CIT: variants seen among roughly 807,000 people sequenced by gnomAD.
CIT encodes citron rho-interacting serine/threonine kinase.
In CIT, 79 loss-of-function variants were observed where a neutral mutation model predicts 272.7. That is an observed-to-expected ratio of 0.29 (90% CI 0.24 to 0.35). The LOEUF is 0.35. CIT is among the 10% of genes least tolerant of loss of function. The pLI, the probability that CIT is intolerant of heterozygous loss-of-function variation, is 1.00. For synonymous variants in CIT, 948 were observed against 995.6 expected (o/e 0.95, Z 0.90); for missense variants, 1,909 against 2,618.3 (o/e 0.73, Z 5.91).
intron 4 of CIT, among the ~76,000 whole-genome samples, chr12:119,853,834 C>A (rs1462322159): frequency 6.6e-6 from 1 of 151,710 alleles, no homozygotes; most frequent in African/African-American, 2.4e-5. Flanking sequence ...CCCGTCTGAC[C>A]CCTGAAGCTT....
chr12:119,700,008 AG>A, intron 44 of CIT: 1 of 435,018 alleles, frequency 2.3e-6, no homozygotes, highest in Non-Finnish European at 4.7e-6. Context: ...CAAAAAGATT[AG>A]TACAAGGATG....
intron 3 of CIT, among the ~76,000 whole-genome samples, chr12:119,861,013 C>T (rs972541333): frequency 6.6e-6 from 1 of 151,276 alleles, no homozygotes. Context: ...CCCAGCTACT[C>T]GGGAGGCTGA....
intron 10 of CIT, among the ~76,000 whole-genome samples, chr12:119,794,408 A>G (rs976642781): frequency 6.6e-6 from 1 of 152,252 alleles, no homozygotes; most frequent in Admixed American, 6.5e-5. Context: ...GTATGCTGGC[A>G]TGAAAAAGCT....
At chr12:119,853,943 T>C (rs2138275445) in intron 4 of CIT, among the ~76,000 whole-genome samples, 1 of 152,080 alleles carries the variant, frequency 6.6e-6, no homozygotes, top group Middle Eastern at 3.4e-3. Flanking sequence ...TCCCAACACT[T>C]TGGGAGGGGG....
chr12:119,820,893 A>G lies in CIT; in HGVS notation c.1111+1927T>C, dbSNP rs144143538. Reference sequence around the variant, plus strand: ...GCTGAGGTGGGAGGACTGCTTGAGCATGGGAGGTCGAGGCTGCAGTGAGCC... The same window carrying G: ...GCTGAGGTGGGAGGACTGCTTGAGCGTGGGAGGTCGAGGCTGCAGTGAGCC... On this transcript the variant is annotated intron_variant, in intron 9 of 47. Coordinates refer to ENST00000392521, the MANE Select transcript of CIT (RefSeq NM_001206999.2). 4.1e-4 allele frequency among the ~76,000 whole-genome samples: 62 copies of G among 152,098 alleles called. 1 individual carries two copies. The East Asian group carries it at 0.011, about 27-fold the overall frequency.
chr12:119,869,133 G>C lies in CIT; in HGVS notation c.165C>G (p.Leu55=). The stretch of plus-strand genomic sequence containing the variant: ...GACTGCATTCTTCAAAGAGAACAAA[G>C]AGGGCATCTAATATCCCTTCTCGGG... ...PLSREGILDA[L]FVLFEECSQP... The change falls in exon 3 of 48, where the codon CTC becomes CTG. Residue 55 remains leucine (L), a synonymous_variant. Coordinates refer to ENST00000392521, the MANE Select transcript of CIT (RefSeq NM_001206999.2). 1.2e-6 allele frequency: 2 copies of C among 1,613,522 alleles called. No individual in the cohort carries two copies. Among genetic ancestry groups the C allele is most frequent in the Non-Finnish European group, 1.7e-6 (2 of 1,179,848 alleles).
intron 5 of CIT, among the ~76,000 whole-genome samples, chr12:119,835,578 A>G (rs1968936926): frequency 6.6e-6 from 1 of 152,198 alleles, no homozygotes; most frequent in African/African-American, 2.4e-5. Flanking sequence ...GCTTTCTGGG[A>G]AAAAGGCAAG....
At chr12:119,780,845 C>T (rs1184108322) in intron 13 of CIT, among the ~76,000 whole-genome samples, 2 of 152,132 alleles carry the variant, frequency 1.3e-5, no homozygotes, top group Non-Finnish European at 2.9e-5. Context: ...ACGTTTCTTC[C>T]CCACAATGGA....
intron 3 of CIT, among the ~76,000 whole-genome samples, chr12:119,863,303 C>G (rs931608271): frequency 6.6e-6 from 1 of 150,674 alleles, no homozygotes; most frequent in Admixed American, 6.6e-5. Context: ...TAAATGGGAG[C>G]TAAAGGATGA....
At position 119,701,730 on chromosome 12, in the gene CIT, A is replaced by G. The variant is rs777508949; in HGVS notation, c.5436T>C (p.His1812=). 1 of 1,614,206 alleles carries G rather than the reference A, an allele frequency of 6.2e-7. No individual in the cohort carries two copies. The highest frequency in any genetic ancestry group is 1.1e-5 in the South Asian group (1 of 91,086). Residue 1812 remains histidine, a synonymous_variant, in exon 43 of 48, where the codon CAT becomes CAC. Transcript: ENST00000392521. ...TLEEFLDKND[H]SLAPAVFAAS... ...CGGCAAACACAGCAGGTGCCAAGGA[A>G]TGGTCATTCTTATCCAGGAATTCTG...
chr12:119,804,310 C>A lies in CIT; in HGVS notation c.1112-921G>T. The stretch of plus-strand genomic sequence containing the variant: ...GCGGTGGGCTCCCGGGGGTGTCCCC[C>A]GCCAGAAACGTTACCATGGTTGCAA... On this transcript the variant is annotated intron_variant, in intron 9 of 47. Coordinates refer to ENST00000392521, the MANE Select transcript of CIT (RefSeq NM_001206999.2). The surrounding 1 kb of genome is among the most constrained non-coding windows in gnomAD (Gnocchi z 5.3). 2.0e-6 allele frequency: 2 copies of A among 985,566 alleles called. No individual in the cohort carries two copies. Among genetic ancestry groups the A allele is most frequent in the Admixed American group, 6.1e-5 (1 of 16,294 alleles). The allele number at this position is 985,566 out of a possible 1,614,324, so 61.1% of individuals were successfully genotyped here.
intron 32 of CIT, among the ~76,000 whole-genome samples, chr12:119,715,996 A>G (rs1957445309): frequency 6.6e-6 from 1 of 152,208 alleles, no homozygotes; most frequent in East Asian, 1.9e-4. Flanking sequence ...CTGTAGTACT[A>G]TCACTATTCA....
chr12:119,836,161 C>A (rs1968991002), intron 5 of CIT, among the ~76,000 whole-genome samples: 2 of 151,544 alleles, frequency 1.3e-5, no homozygotes, highest in South Asian at 4.2e-4. Context: ...GTGGTGCATG[C>A]CTGTAGTCCC....
Position 119,752,207 on chromosome 12 carries a change from C to A in CIT, c.2747G>T (p.Arg916Leu). 1 of 1,610,260 alleles carries A rather than the reference C, an allele frequency of 6.2e-7. No homozygotes were observed. The highest frequency in any genetic ancestry group is 8.5e-7 in the Non-Finnish European group (1 of 1,179,736). ...EHEEQKLELK[R>L]QLTELQLSLQ... ...GGAGAGCTGTAGCTCTGTGAGCTGG[C>A]GCTTGAGCTCCAGTTTCTGCTCCTC... The change falls in exon 23 of 48, where the codon CGC (arginine) becomes CTC (leucine). Residue 916 changes from arginine to leucine, a missense_variant. Around this residue, in one of 8 missense-constraint regions of CIT, gnomAD observed 530 missense variants for 822.4 expected, o/e 0.64. Coordinates refer to ENST00000392521, the MANE Select transcript of CIT (RefSeq NM_001206999.2).
At chr12:119,754,335 C>T (rs148429735) in intron 22 of CIT, among the ~76,000 whole-genome samples, 4 of 152,312 alleles carry the variant, frequency 2.6e-5, no homozygotes, top group Admixed American at 2.0e-4. Flanking sequence ...AACATCCCTA[C>T]GTGTCCTGAC....
At chr12:119,814,703 A>G (rs1459144297) in intron 9 of CIT, among the ~76,000 whole-genome samples, 1 of 152,136 alleles carries the variant, frequency 6.6e-6, no homozygotes, top group Admixed American at 6.5e-5. Context: ...GCCTCAAACA[A>G]GAAGAACTTT....
At chr12:119,814,834 C>T (rs1966993486) in intron 9 of CIT, among the ~76,000 whole-genome samples, 1 of 151,870 alleles carries the variant, frequency 6.6e-6, no homozygotes, top group African/African-American at 2.4e-5. Flanking sequence ...GTCAGGAGTT[C>T]GAGACCAGCC....
intron 47 of CIT, among the ~76,000 whole-genome samples, chr12:119,689,666 C>CTTTG: frequency 1.3e-5 from 1 of 75,096 alleles, no homozygotes; most frequent in East Asian, 4.7e-4. Flanking sequence ...TTAGGAAGCT[C>CTTTG]TTTTTTTTTT....
At position 119,741,264 on chromosome 12, in the gene CIT, C is replaced by G. The variant is rs962397629; in HGVS notation, c.2958+1147G>C. Reference sequence around the variant, plus strand: ...CCCAGAGAGCACATCCTCTGTGATTCCATTTATATGACATTCAAGAACAGG... The same window carrying G: ...CCCAGAGAGCACATCCTCTGTGATTGCATTTATATGACATTCAAGAACAGG... On this transcript the variant is annotated intron_variant, in intron 24 of 47. Coordinates refer to ENST00000392521, the MANE Select transcript of CIT (RefSeq NM_001206999.2). 2.6e-5 allele frequency among the ~76,000 whole-genome samples: 4 copies of G among 152,000 alleles called. No individual in the cohort carries two copies. The East Asian group carries it at 7.7e-4, about 29-fold the overall frequency.
Sources: allele counts gnomAD v4.1 joint callset (sites outside exome capture counted in the v4.1 genomes callset), GRCh38; gene constraint gnomAD v4.1.1; regional missense constraint gnomAD v4.1.1; non-coding constraint Gnocchi (gnomAD v3.1); transcripts MANE v1.5; gene names NCBI Gene and HGNC (gene_info 2026-07-23, HGNC 2026-07-21).